The following CLCN5 variants were observed in gnomAD, a reference collection of about 807,000 sequenced individuals.
CLCN5 encodes Cl-/H+ antiporter 5, also known as H(+)/Cl(-) exchange transporter 5.
CLCN5 carries 17 observed loss-of-function variants against 54.0 expected under a neutral mutation model. The observed-to-expected ratio is 0.31, with a 90% CI of 0.22 to 0.47. The LOEUF is 0.47. Ranked by LOEUF, CLCN5 falls within the 20% of genes least tolerant of loss-of-function variation. CLCN5 has a pLI of 1.00. For synonymous variants in CLCN5, 222 were observed against 233.0 expected (o/e 0.95, Z 0.43); for missense variants, 448 against 646.7 (o/e 0.69, Z 3.33).
intron 3 of CLCN5, among the ~76,000 whole-genome samples, chrX:49,972,135 G>A (rs1928251985): frequency 9.3e-6 from 1 of 107,483 alleles, no homozygotes; most frequent in South Asian, 4.2e-4. Context: ...GTGTGTGTGT[G>A]TGTGTGTGTG....
chrX:49,945,247 A>G (rs1557171733), intron 3 of CLCN5: 1 of 111,632 alleles, frequency 9.0e-6, no homozygotes, highest in African/African-American at 3.3e-5. Flanking sequence ...ATGGTCGCAA[A>G]TAGTATTGGG....
At chrX:49,938,217 G>C (rs1926107154) in intron 3 of CLCN5, among the ~76,000 whole-genome samples, 1 of 111,427 alleles carries the variant, frequency 9.0e-6, no homozygotes, top group African/African-American at 3.3e-5. Flanking sequence ...TACTGCCCAA[G>C]GTAATTTATA....
intron 3 of CLCN5, among the ~76,000 whole-genome samples, chrX:49,968,906 G>A (rs782518835): frequency 2.1e-5 from 2 of 96,628 alleles, no homozygotes; most frequent in East Asian, 3.0e-4. Context: ...GAAAATTTTT[G>A]CAACCTACTC....
At chrX:50,013,288 A>G in intron 3 of CLCN5, 1 of 371,143 alleles carries the variant, frequency 2.7e-6, no homozygotes, top group South Asian at 2.4e-5. Context: ...TGAATTCTCA[A>G]AACACCTCCT....
At chrX:49,939,459 T>C (rs1216464273) in intron 3 of CLCN5, among the ~76,000 whole-genome samples, 5 of 111,055 alleles carry the variant, frequency 4.5e-5, no homozygotes, top group Non-Finnish European at 9.4e-5. Flanking sequence ...TATGCAGCCA[T>C]AAAAAAGGAT....
chrX:49,937,104 A>G (rs1458037038), intron 3 of CLCN5, among the ~76,000 whole-genome samples: 5 of 111,421 alleles, frequency 4.5e-5, no homozygotes, highest in South Asian at 3.8e-4. Context: ...ATATAGTGAC[A>G]GGGAATGGTG....
chrX:50,060,586 G>C (rs1569539763), intron 4 of CLCN5, among the ~76,000 whole-genome samples: 1 of 109,190 alleles, frequency 9.2e-6, no homozygotes, highest in African/African-American at 3.3e-5. Flanking sequence ...GGGGAGGGGC[G>C]CCCGCCATTG....
intron 3 of CLCN5, among the ~76,000 whole-genome samples, chrX:49,934,970 A>C (rs1482361689): frequency 8.9e-6 from 1 of 111,894 alleles, no homozygotes; most frequent in Non-Finnish European, 1.9e-5. Flanking sequence ...TCCCAGGTTG[A>C]AATCATGATC....
intron 3 of CLCN5, among the ~76,000 whole-genome samples, chrX:49,928,952 A>G (rs1255825562): frequency 1.3e-4 from 15 of 111,859 alleles, no homozygotes; most frequent in Non-Finnish European, 1.1e-4. Context: ...ATCTAGCTCA[A>G]TTCCTAGAGG....
rs1662958569 is a variant in CLCN5, at chrX:50,094,006, G to T, written c.*1787G>T. 1 of 111,185 alleles carries T rather than the reference G, an allele frequency of 9.0e-6. No individual in the cohort carries two copies. The highest frequency in any genetic ancestry group is 3.3e-5 in the African/African-American group (1 of 30,543). 9.2% of individuals were successfully genotyped at this position (111,185 alleles called of 1,213,427 possible). On this transcript the variant is annotated 3_prime_UTR_variant, in exon 15 of 15. Coordinates refer to ENST00000376091, the MANE Select transcript of CLCN5 (RefSeq NM_001127898.4). ...TCATCCTTCCAGCCCAGAATCAGCG[G>T]TCATTCTGCATATTCCCACCAACCC...
intron 3 of CLCN5, among the ~76,000 whole-genome samples, chrX:49,939,560 T>TTCTC (rs1926209646): frequency 9.0e-6 from 1 of 110,916 alleles, no homozygotes; most frequent in African/African-American, 3.3e-5. Flanking sequence ...ACACTGCATG[T>TTCTC]TCTCACTCAT....
At chrX:50,088,039 A>T (rs1602131222) in intron 11 of CLCN5, among the ~76,000 whole-genome samples, 1 of 112,189 alleles carries the variant, frequency 8.9e-6, no homozygotes, top group Non-Finnish European at 1.9e-5. Context: ...TAATTGTTTA[A>T]TCTTTCTTGA....
At chrX:49,954,504 A>G (rs1037548148) in intron 3 of CLCN5, among the ~76,000 whole-genome samples, 7 of 111,509 alleles carry the variant, frequency 6.3e-5, no homozygotes, top group Non-Finnish European at 1.1e-4. Flanking sequence ...TCTCTATTCA[A>G]TGTGCTTCCA....
chrX:50,033,169 G>A (rs1365671030), intron 3 of CLCN5, among the ~76,000 whole-genome samples: 2 of 111,098 alleles, frequency 1.8e-5, no homozygotes, highest in East Asian at 5.6e-4. Context: ...TCTGGCCAGG[G>A]CAGTTAGGCA....
intron 3 of CLCN5, among the ~76,000 whole-genome samples, chrX:50,029,411 T>G (rs910202067): frequency 1.8e-5 from 2 of 108,906 alleles, no homozygotes; most frequent in Admixed American, 2.0e-4. Flanking sequence ...TGTTTGGTTG[T>G]TTGTCCTTGC....
intron 3 of CLCN5, chrX:50,003,511 C>T (rs1557180918): frequency 5.2e-6 from 2 of 383,613 alleles, no homozygotes; most frequent in South Asian, 2.4e-5. Flanking sequence ...CCTGCTCCCT[C>T]TCTCACATCC....
At chrX:50,052,760 G>A (rs782338043) in intron 4 of CLCN5, among the ~76,000 whole-genome samples, 8 of 111,568 alleles carry the variant, frequency 7.2e-5, no homozygotes, top group South Asian at 3.8e-4. Context: ...TTTACAACAC[G>A]ATGATAGTTA....
At position 50,062,977 on chromosome X, in the gene CLCN5, C is replaced by G. The variant is rs375156238; in HGVS notation, c.164-6902C>G. Among the ~76,000 whole-genome samples, 5 of 110,132 alleles carry G rather than the reference C, an allele frequency of 4.5e-5. No homozygotes were observed. The East Asian group carries it at 1.4e-3, about 31-fold the overall frequency. On this transcript the variant is annotated intron_variant, in intron 4 of 14. Coordinates refer to ENST00000376091, the MANE Select transcript of CLCN5 (RefSeq NM_001127898.4). ...GAAACCAAAGAGAACAAAGACACAA[C>G]ATACCAGAATCTCTGGGACGCATTC...
intron 3 of CLCN5, among the ~76,000 whole-genome samples, chrX:50,034,843 A>G (rs781907887): frequency 2.7e-5 from 3 of 110,128 alleles, no homozygotes; most frequent in Admixed American, 1.9e-4. Flanking sequence ...CTCCAACCTA[A>G]ATCACCTACA....
Sources: gnomAD v4.1 joint callset for allele counts (sites outside exome capture counted in the v4.1 genomes callset) on GRCh38, gnomAD v4.1.1 for gene constraint, MANE v1.5 for transcripts, NCBI Gene and HGNC (gene_info 2026-07-23, HGNC 2026-07-21) for gene names.